Variants in CHD9 observed in about 807,000 individuals in gnomAD.
CHD9 encodes ATP-dependent chromatin remodeler CHD9.
CHD9 carries 77 observed loss-of-function variants against 316.1 expected under a neutral mutation model. The observed-to-expected ratio is 0.24, with a 90% CI of 0.20 to 0.29. CHD9 has a LOEUF of 0.29. CHD9 is among the 10% of genes least tolerant of loss of function. The pLI is 1.00. For synonymous variants in CHD9, 1,129 were observed against 1,158.3 expected, an observed-to-expected ratio of 0.97 and a Z score of 0.51; for missense variants, 2,763 against 3,438.1, an observed-to-expected ratio of 0.80 and a Z score of 4.91.
At chr16:53,167,265 A>G (rs1357991069) in intron 2 of CHD9, among the ~76,000 whole-genome samples, 2 of 152,240 alleles carry the variant, frequency 1.3e-5, no homozygotes, top group East Asian at 1.9e-4. Flanking sequence ...AAATGTAGGT[A>G]TAAATTGTAT....
chr16:53,304,057 G>T lies in CHD9; in HGVS notation c.6051G>T (p.Gln2017His). ...CAAGGACTTCTACCCCACTTCTACAGCAATATCAAGTAGCACTTTCTGCTT... is the reference window on the plus strand; with the variant it reads ...CAAGGACTTCTACCCCACTTCTACATCAATATCAAGTAGCACTTTCTGCTT... ...AHSRTSTPLL[Q>H]QYQVALSASP... The change falls in exon 31 of 39, where the codon CAG becomes CAT. Residue 2017 changes from glutamine to histidine, a missense_variant. By Grantham distance (24) the Gln-to-His change is conservative. This residue lies in a region of CHD9 where 663 missense variants were observed against 751.2 expected (regional missense o/e 0.88). Coordinates refer to ENST00000447540, the MANE Select transcript of CHD9 (RefSeq NM_001308319.2). 6.2e-7 allele frequency: 1 copy of T among 1,613,966 alleles called. No homozygotes were observed.
intron 2 of CHD9, among the ~76,000 whole-genome samples, chr16:53,198,669 A>C (rs185710199): frequency 6.0e-4 from 91 of 152,298 alleles, no homozygotes; most frequent in African/African-American, 2.0e-3. Flanking sequence ...AGCCTCAAAA[A>C]ATAATTTCTA....
At chr16:53,086,978 C>T (rs1295868176) in intron 1 of CHD9, among the ~76,000 whole-genome samples, 2 of 152,142 alleles carry the variant, frequency 1.3e-5, no homozygotes, top group African/African-American at 4.8e-5. Context: ...TTCCAGGGGG[C>T]CACACCTCCT....
chr16:53,326,284 G>T lies in CHD9; in HGVS notation c.*1389G>T, dbSNP rs957893565. 2 of 152,436 alleles carry T rather than the reference G, an allele frequency of 1.3e-5. No homozygotes were observed. Among genetic ancestry groups the T allele is most frequent in the Non-Finnish European group, 2.9e-5 (2 of 67,910 alleles). The allele number at this position is 152,436 out of a possible 1,614,324, so 9.4% of individuals were successfully genotyped here. ...TAAAAATATTGACATTCTAAGGAGA[G>T]ATATATGTTAGCATTTTTCTGGTAC... is the stretch of plus-strand genomic sequence containing the variant. On this transcript the variant is annotated 3_prime_UTR_variant, in exon 39 of 39. Transcript: ENST00000447540.
intron 15 of CHD9, among the ~76,000 whole-genome samples, chr16:53,246,511 G>GTTA (rs1452751180): frequency 1.3e-5 from 2 of 151,496 alleles, no homozygotes; most frequent in Admixed American, 1.3e-4. Context: ...TTTTTTTGTT[G>GTTA]TTGTTGTTTG....
chr16:53,317,262 G>A (rs2056959120), intron 36 of CHD9, among the ~76,000 whole-genome samples: 1 of 151,906 alleles, frequency 6.6e-6, no homozygotes, highest in Non-Finnish European at 1.5e-5. Flanking sequence ...GAGTGAGTGG[G>A]GTAATAGTAA....
Position 53,226,416 on chromosome 16 carries a change from A to G in CHD9, c.1947A>G (p.Ile649Met). Residue 649 changes from isoleucine to methionine, a missense_variant, in exon 5 of 39, where the codon ATA becomes ATG. This residue lies in a region of CHD9 where 859 missense variants were observed against 890.4 expected (regional missense o/e 0.96). Transcript: ENST00000447540. The part of the protein sequence containing the change: ...QIKRKKYAED[I>M]EGKQSEEEVK... The stretch of plus-strand genomic sequence containing the variant: ...AAAGAAAAAAATACGCAGAAGATAT[A>G]GAAGGGAAGCAATCTGAAGAAGAGG... 6.2e-7 allele frequency: 1 copy of G among 1,600,472 alleles called. No homozygotes were observed. The highest frequency in any genetic ancestry group is 1.7e-4 in the Middle Eastern group (1 of 6,022).
At chr16:53,225,543 G>GGTA (rs1423444637) in intron 4 of CHD9, among the ~76,000 whole-genome samples, 2 of 151,956 alleles carry the variant, frequency 1.3e-5, no homozygotes, top group African/African-American at 4.8e-5. Context: ...TATTTAGGGA[G>GGTA]GTAAGTAAAG....
At chr16:53,198,854 T>A (rs2045189539) in intron 2 of CHD9, among the ~76,000 whole-genome samples, 1 of 152,208 alleles carries the variant, frequency 6.6e-6, no homozygotes, top group Non-Finnish European at 1.5e-5. Flanking sequence ...AAGGAAGCAG[T>A]TTTCTTAGTT....
chr16:53,118,073 C>A (rs1489258491), intron 1 of CHD9, among the ~76,000 whole-genome samples: 1 of 151,590 alleles, frequency 6.6e-6, no homozygotes, highest in Admixed American at 6.6e-5. Flanking sequence ...ATGATCCACC[C>A]GCCTCGGCCT....
chr16:53,321,381 T>C, intron 37 of CHD9, 145 bp from the exon 38 acceptor site: 1 of 1,377,080 alleles, frequency 7.3e-7, no homozygotes, highest in South Asian at 1.8e-5. Flanking sequence ...ACGGTGGGCC[T>C]TTTTAATATA....
chr16:53,082,681 C>T (rs1291825878), intron 1 of CHD9, among the ~76,000 whole-genome samples: 2 of 152,356 alleles, frequency 1.3e-5, no homozygotes, highest in Admixed American at 1.3e-4. Flanking sequence ...CAGAGCTTGC[C>T]TTACTTCCAA....
chr16:53,205,957 T>G (rs557855468), intron 2 of CHD9, among the ~76,000 whole-genome samples: 1 of 152,084 alleles, frequency 6.6e-6, no homozygotes, highest in Non-Finnish European at 1.5e-5. Context: ...TCTTTTACTT[T>G]TTTTTTTAAA....
intron 1 of CHD9, among the ~76,000 whole-genome samples, chr16:53,089,189 G>A (rs940430646): frequency 6.6e-6 from 1 of 152,080 alleles, no homozygotes; most frequent in African/African-American, 2.4e-5. Flanking sequence ...GAGAGGCTGA[G>A]GCAGGTGGAT....
chr16:53,130,024 GTC>G (rs773761130), intron 1 of CHD9, among the ~76,000 whole-genome samples: 1 of 152,148 alleles, frequency 6.6e-6, no homozygotes, highest in Non-Finnish European at 1.5e-5. Flanking sequence ...CCCCACGGCT[GTC>G]TCTCTCTCTT....
intron 1 of CHD9, among the ~76,000 whole-genome samples, chr16:53,142,993 G>T (rs773851417): frequency 6.6e-6 from 1 of 152,138 alleles, no homozygotes; most frequent in Non-Finnish European, 1.5e-5. Flanking sequence ...AAGAGAGCAA[G>T]GCATGACTGA....
Position 53,157,552 on chromosome 16 carries a change from C to T in CHD9, c.1452+11C>T, listed in dbSNP as rs2041604394. ...TGTTTACAGCGACAGGTATGTAGCT[C>T]TTTGCTTTTATTTTGGAGATTTGGG... is the stretch of plus-strand genomic sequence containing the variant. On this transcript the variant is annotated intron_variant, in intron 2 of 38. Transcript: ENST00000447540. 6.3e-7 allele frequency: 1 copy of T among 1,589,802 alleles called. No homozygotes were observed. Among genetic ancestry groups the T allele is most frequent in the African/African-American group, 1.3e-5 (1 of 74,090 alleles).
chr16:53,058,953 G>A (rs1402037305), intron 1 of CHD9, among the ~76,000 whole-genome samples: 1 of 152,140 alleles, frequency 6.6e-6, no homozygotes, highest in African/African-American at 2.4e-5. Flanking sequence ...AACCTCCTGA[G>A]CTCGAGGGAT....
At chr16:53,304,797 C>T (rs537123131) in intron 31 of CHD9, among the ~76,000 whole-genome samples, 172 bp downstream of exon 31, 9 of 149,116 alleles carry the variant, frequency 6.0e-5, no homozygotes, top group Non-Finnish European at 1.2e-4. Context: ...TGGGTTCAAG[C>T]GACTCTCCTG....
Sources: allele counts gnomAD v4.1 joint callset (sites outside exome capture counted in the v4.1 genomes callset), GRCh38; gene constraint gnomAD v4.1.1; regional missense constraint gnomAD v4.1.1; transcripts MANE v1.5; gene names NCBI Gene and HGNC (gene_info 2026-07-23, HGNC 2026-07-21).